RASSF9: variants seen among roughly 807,000 people sequenced by gnomAD.
The protein encoded by RASSF9 is Ras association domain family member 9.
A neutral mutation model predicts 21.4 loss-of-function variants in RASSF9; 18 were observed. That is an observed-to-expected ratio of 0.84 (90% confidence interval 0.58 to 1.25). The LOEUF (loss-of-function observed/expected upper bound fraction) is 1.25. RASSF9 is among the 50% of genes most tolerant of loss of function. The pLI, the probability that RASSF9 is intolerant of heterozygous loss-of-function variation, is 0.00. For synonymous variants in RASSF9, 183 were observed against 179.1 expected (o/e 1.02, Z -0.18); for missense variants, 480 against 503.2 (o/e 0.95, Z 0.44).
chr12:85,822,035 A>G (rs1880223402), intron 1 of RASSF9, among the ~76,000 whole-genome samples: 1 of 152,062 alleles, frequency 6.6e-6, no homozygotes, highest in African/African-American at 2.4e-5. Context: ...GCCCTTACTG[A>G]TTGGTATTTT....
chr12:85,817,513 G>A (rs906589139), intron 1 of RASSF9, among the ~76,000 whole-genome samples: 2 of 151,482 alleles, frequency 1.3e-5, no homozygotes, highest in African/African-American at 4.8e-5. Context: ...GAGAAAATTG[G>A]GTAAGAATAA....
chr12:85,823,014 C>T (rs1880249534), intron 1 of RASSF9, among the ~76,000 whole-genome samples: 1 of 152,076 alleles, frequency 6.6e-6, no homozygotes, highest in African/African-American at 2.4e-5. Context: ...TCCTGGCTAA[C>T]ACGGTGAAAC....
intron 1 of RASSF9, among the ~76,000 whole-genome samples, chr12:85,809,915 AT>A (rs1879915335): frequency 2.0e-5 from 3 of 151,858 alleles, no homozygotes; most frequent in African/African-American, 7.2e-5. Flanking sequence ...TAACCTCACA[AT>A]CTGACTGGCA....
rs189355933 is a variant in RASSF9 at position 85,834,285 on chromosome 12, G to A, written c.47+1870C>T. ...TTGCCACCTTTTCCAAAACACTTGCGTTTATAACAAAGCATCATCTTCAGG... is the reference window on the plus strand; with the variant it reads ...TTGCCACCTTTTCCAAAACACTTGCATTTATAACAAAGCATCATCTTCAGG... On this transcript the variant is annotated intron_variant, in intron 1 of 1. Transcript: ENST00000361228. Among the ~76,000 whole-genome samples the A allele has an allele frequency of 3.1e-3, 404 of 131,840 alleles. 4 individuals are homozygous for A. Among genetic ancestry groups the A allele is most frequent in the African/African-American group, 9.7e-3 (387 of 40,068 alleles). 86.5% of individuals were successfully genotyped at this position (131,840 alleles called of 152,430 possible).
intron 1 of RASSF9, among the ~76,000 whole-genome samples, chr12:85,810,079 A>T (rs1247596269): frequency 6.6e-6 from 1 of 152,044 alleles, no homozygotes; most frequent in East Asian, 1.9e-4. Flanking sequence ...TTTAAAAGTA[A>T]TAACCATCTA....
At chr12:85,815,817 T>A (rs1381651352) in intron 1 of RASSF9, among the ~76,000 whole-genome samples, 1 of 152,070 alleles carries the variant, frequency 6.6e-6, no homozygotes, top group Non-Finnish European at 1.5e-5. Flanking sequence ...TAAATTTGTT[T>A]AAGTTCCTTA....
chr12:85,823,227 G>A (rs2136559925), intron 1 of RASSF9, among the ~76,000 whole-genome samples: 1 of 150,576 alleles, frequency 6.6e-6, no homozygotes, highest in East Asian at 2.0e-4. Context: ...AATGTCTACT[G>A]CCTCCACTCA....
chr12:85,818,183 T>G (rs1375351756), intron 1 of RASSF9, among the ~76,000 whole-genome samples: 1 of 152,214 alleles, frequency 6.6e-6, no homozygotes, highest in Non-Finnish European at 1.5e-5. Context: ...TCATATTTAT[T>G]GTATGCTTAG....
At position 85,805,094 on chromosome 12, in the gene RASSF9, C is replaced by T; in HGVS notation, c.916G>A (p.Ala306Thr). The change falls in exon 2 of 2, where the codon GCT becomes ACT. Residue 306 changes from alanine to threonine, a missense_variant. Physicochemically the swap from Ala to Thr is moderately conservative, Grantham distance 58. Coordinates refer to ENST00000361228, the MANE Select transcript of RASSF9 (RefSeq NM_005447.4). Reference protein sequence around the residue: ...IDINEDAEGEAASELESSNLE... With the variant: ...IDINEDAEGETASELESSNLE... ...TTAGAGCTTTCCAGTTCACTTGCAG[C>T]TTCCCCTTCCGCATCTTCATTTATA... 1 of 1,613,974 alleles carries T rather than the reference C, an allele frequency of 6.2e-7. No homozygotes were observed. Among genetic ancestry groups the T allele is most frequent in the South Asian group, 1.1e-5 (1 of 91,080 alleles).
chr12:85,806,065 G>C, intron 1 of RASSF9, 103 bp from the exon 2 acceptor site: 1 of 1,286,884 alleles, frequency 7.8e-7, no homozygotes, highest in South Asian at 1.6e-5. Flanking sequence ...CCCTTAATGA[G>C]AGAGGCATTT....
In RASSF9 at chr12:85,805,273, T is replaced by C. The variant is rs779537369; in HGVS notation, c.737A>G (p.Asn246Ser). The C allele has an allele frequency of 3.1e-6, 5 of 1,613,482 alleles. No homozygotes were observed. The African/African-American group carries it at 5.3e-5, about 17-fold the overall frequency. Residue 246 changes from asparagine to serine, a missense_variant, in exon 2 of 2, where the codon AAT becomes AGT. Coordinates refer to ENST00000361228, the MANE Select transcript of RASSF9 (RefSeq NM_005447.4). ...GTTTTCCTCATACTGCAAGTCTAGA[T>C]TTTGCTCAACTTCACTGAAACTGGG... ...LMPSFSEVEQ[N>S]LDLQYEENQT...
chr12:85,820,924 T>A (rs544039094), intron 1 of RASSF9, among the ~76,000 whole-genome samples: 6 of 152,206 alleles, frequency 3.9e-5, no homozygotes, highest in African/African-American at 1.4e-4. Flanking sequence ...GGTGGGCAGA[T>A]CACGAGGTCA....
At chr12:85,812,728 C>T (rs1200818667) in intron 1 of RASSF9, among the ~76,000 whole-genome samples, 6 of 151,402 alleles carry the variant, frequency 4.0e-5, no homozygotes, top group Admixed American at 1.3e-4. Context: ...TTAGGAATGA[C>T]AATAAAATTA....
At chr12:85,810,337 T>G (rs1472909219) in intron 1 of RASSF9, among the ~76,000 whole-genome samples, 1 of 151,964 alleles carries the variant, frequency 6.6e-6, no homozygotes, top group Non-Finnish European at 1.5e-5. Flanking sequence ...TTCTCTCTTA[T>G]GGTGGGAAAC....
intron 1 of RASSF9, among the ~76,000 whole-genome samples, chr12:85,811,459 A>G (rs1879951841): frequency 6.6e-6 from 1 of 151,886 alleles, no homozygotes; most frequent in Non-Finnish European, 1.5e-5. Context: ...TATAAAATAG[A>G]GATTTCCTGG....
intron 1 of RASSF9, among the ~76,000 whole-genome samples, chr12:85,821,665 G>T (rs1442649990): frequency 6.6e-6 from 1 of 152,078 alleles, no homozygotes; most frequent in East Asian, 1.9e-4. Flanking sequence ...ATACGAGTGT[G>T]TGTGTGTGTG....
chr12:85,805,732 A>C lies in RASSF9; in HGVS notation c.278T>G (p.Leu93Arg), dbSNP rs1388694658. ...TTTCCAAAGCTTCAGGATTCTAGTT[A>C]GTGGAGGAAGAACCCTTTCGGAGCC... ...WRGSERVLPP[L>R]TRILKLWKAW... Residue 93 changes from leucine (L) to arginine (R), a missense_variant, in exon 2 of 2, where the codon CTA (leucine) becomes CGA (arginine). Coordinates refer to ENST00000361228, the MANE Select transcript of RASSF9 (RefSeq NM_005447.4). The C allele has an allele frequency of 1.2e-6, 2 of 1,613,918 alleles. No homozygotes were observed. Among genetic ancestry groups the C allele is most frequent in the Non-Finnish European group, 1.7e-6 (2 of 1,179,870 alleles).
At chr12:85,831,137 T>C (rs1053603679) in intron 1 of RASSF9, among the ~76,000 whole-genome samples, 10 of 152,142 alleles carry the variant, frequency 6.6e-5, no homozygotes, top group African/African-American at 2.4e-4. Context: ...GGTAAACACA[T>C]ACCCTTACTT....
rs78844777 is a variant in RASSF9, at chr12:85,804,644, C to T, written c.*58G>A. ...GAGTGTTATATTTAAAATGAGGTTT[C>T]CTATTAAATTAAACAAACATTAAAA... On this transcript the variant is annotated 3_prime_UTR_variant, in exon 2 of 2. Transcript: ENST00000361228. The T allele has an allele frequency of 7.0e-7, 1 of 1,428,172 alleles. No homozygotes were observed. Among genetic ancestry groups the T allele is most frequent in the Non-Finnish European group, 9.4e-7 (1 of 1,064,362 alleles). The allele number at this position is 1,428,172 out of a possible 1,614,324, so 88.5% of individuals were successfully genotyped here.
Sources: gnomAD v4.1 joint callset for allele counts (sites outside exome capture counted in the v4.1 genomes callset) on GRCh38, gnomAD v4.1.1 for gene constraint, MANE v1.5 for transcripts, NCBI Gene and HGNC (gene_info 2026-07-23, HGNC 2026-07-21) for gene names.